The following ANK3 variants were observed in gnomAD, a reference collection of about 807,000 sequenced individuals.
The protein encoded by ANK3 is ankyrin-3.
In ANK3, 57 loss-of-function variants were observed where a neutral mutation model predicts 370.9. The ratio of observed to expected loss-of-function variants is 0.15; its 90% CI spans 0.12 to 0.19. The LOEUF is 0.19. Ranked by LOEUF, ANK3 falls within the 10% of genes least tolerant of loss-of-function variation. The pLI, the probability that ANK3 is intolerant of heterozygous loss-of-function variation, is 1.00. For missense variants in ANK3, 4,439 were observed against 5,302.1 expected, an observed-to-expected ratio of 0.84 and a Z score of 5.06; for synonymous variants, 1,929 against 1,946.3, an observed-to-expected ratio of 0.99 and a Z score of 0.23.
intron 42 of ANK3, among the ~76,000 whole-genome samples, chr10:60,052,591 G>C (rs1191288029): frequency 1.3e-5 from 2 of 152,084 alleles, no homozygotes; most frequent in Non-Finnish European, 2.9e-5. Context: ...ATAAAGGTGG[G>C]AATCTGGAAA....
rs1437252329 is a variant in ANK3 at position 60,216,865 on chromosome 10, A to G, written c.898-3355T>C. Among the ~76,000 whole-genome samples the G allele has an allele frequency of 5.3e-5, 8 of 151,948 alleles. 1 individual carries two copies. Among genetic ancestry groups the G allele is most frequent in the Admixed American group, 3.9e-4 (6 of 15,212 alleles). On this transcript the variant is annotated intron_variant, in intron 8 of 43. Coordinates refer to ENST00000280772, the MANE Select transcript of ANK3 (RefSeq NM_020987.5). ...GTACTAGCTCCTCTTTGTATTTCTG[A>G]TAGAATTCAGCTGTAAATCCATCTG... is the stretch of plus-strand genomic sequence containing the variant.
chr10:60,503,336 A>G (rs2075854443), intron 2 of ANK3, among the ~76,000 whole-genome samples: 2 of 152,210 alleles, frequency 1.3e-5, no homozygotes, highest in South Asian at 2.1e-4. Context: ...ATAATAAAAC[A>G]GTAGAGGTGA....
intron 1 of ANK3, among the ~76,000 whole-genome samples, chr10:60,705,435 A>G (rs965769009): frequency 6.6e-6 from 1 of 152,212 alleles, no homozygotes; most frequent in Non-Finnish European, 1.5e-5. Flanking sequence ...TGAAGTAGGT[A>G]TAATGTTATT....
chr10:60,232,312 G>A (rs1053418388), intron 8 of ANK3, among the ~76,000 whole-genome samples: 5 of 152,014 alleles, frequency 3.3e-5, no homozygotes, highest in Admixed American at 2.0e-4. Flanking sequence ...TCTTTTCTGC[G>A]TGTCTTGGTA....
intron 1 of ANK3, among the ~76,000 whole-genome samples, chr10:60,617,636 C>T (rs112227609): frequency 7.9e-5 from 12 of 152,172 alleles, no homozygotes; most frequent in South Asian, 4.1e-4. Flanking sequence ...CAGGGCTGTT[C>T]ATTTCTCTTC....
chr10:60,390,772 C>T (rs1435233844), upstream of ANK3, among the ~76,000 whole-genome samples: 1 of 127,104 alleles, frequency 7.9e-6, no homozygotes, highest in Non-Finnish European at 1.6e-5. Context: ...ACACAAACAA[C>T]AATTTCACCA....
intron 2 of ANK3, among the ~76,000 whole-genome samples, chr10:60,453,704 C>A (rs976492899): frequency 2.0e-5 from 3 of 151,934 alleles, no homozygotes; most frequent in African/African-American, 7.3e-5. Flanking sequence ...TGATAGGAAA[C>A]AGCCTCTCTC....
chr10:60,296,683 T>C (rs945572013), intron 1 of ANK3, among the ~76,000 whole-genome samples: 4 of 152,124 alleles, frequency 2.6e-5, no homozygotes, highest in African/African-American at 9.7e-5. Context: ...TCACAGTCTG[T>C]GTTTAAAAGT....
chr10:60,087,822 G>T (rs1290905807), intron 29 of ANK3, among the ~76,000 whole-genome samples: 1 of 152,136 alleles, frequency 6.6e-6, no homozygotes, highest in African/African-American at 2.4e-5. Context: ...CACTATAACT[G>T]ATTTTTATGA....
intron 2 of ANK3, among the ~76,000 whole-genome samples, chr10:60,519,222 T>A (rs1473900837): frequency 6.6e-6 from 1 of 152,136 alleles, no homozygotes; most frequent in African/African-American, 2.4e-5. Flanking sequence ...GCAAAGAGGC[T>A]GAGAAAGTTG....
At chr10:60,336,699 A>G (rs887955227) in intron 1 of ANK3, among the ~76,000 whole-genome samples, 1 of 152,216 alleles carries the variant, frequency 6.6e-6, no homozygotes, top group South Asian at 2.1e-4. Context: ...TTAAATGTGC[A>G]TTTTACGTAA....
intron 2 of ANK3, among the ~76,000 whole-genome samples, chr10:60,425,552 C>T (rs1175022705): frequency 6.6e-6 from 1 of 152,106 alleles, no homozygotes; most frequent in Non-Finnish European, 1.5e-5. Context: ...TCCTTCATCA[C>T]ATGCCATTAA....
At chr10:60,297,141 T>C (rs1459901455) in intron 1 of ANK3, among the ~76,000 whole-genome samples, 1 of 152,164 alleles carries the variant, frequency 6.6e-6, no homozygotes, top group Non-Finnish European at 1.5e-5. Flanking sequence ...AAATAATCAA[T>C]AATTCAAGAC....
At chr10:60,169,456 A>T (rs1338089857) in intron 21 of ANK3, among the ~76,000 whole-genome samples, 4 of 145,238 alleles carry the variant, frequency 2.8e-5, no homozygotes, top group African/African-American at 7.7e-5. Flanking sequence ...ATCACATTGT[A>T]TCAAGGGTAC....
intron 2 of ANK3, among the ~76,000 whole-genome samples, chr10:60,533,673 G>A (rs1282444392): frequency 3.3e-5 from 5 of 152,074 alleles, no homozygotes; most frequent in African/African-American, 1.2e-4. Context: ...GAGCTGGGCC[G>A]AATTATTTTT....
chr10:60,637,943 C>A (rs1186326262), intron 1 of ANK3, among the ~76,000 whole-genome samples: 2 of 152,132 alleles, frequency 1.3e-5, no homozygotes, highest in Non-Finnish European at 2.9e-5. Context: ...GCCCTGAGTG[C>A]TCATTTTGCC....
chr10:60,252,135 C>A (rs1222860666), intron 7 of ANK3, among the ~76,000 whole-genome samples: 1 of 152,218 alleles, frequency 6.6e-6, no homozygotes, highest in Non-Finnish European at 1.5e-5. Flanking sequence ...GGGCTGACAC[C>A]TGTGCAATCC....
intron 1 of ANK3, among the ~76,000 whole-genome samples, chr10:60,623,607 G>T (rs1353182077): frequency 6.6e-6 from 1 of 152,306 alleles, no homozygotes; most frequent in Admixed American, 6.5e-5. Context: ...GATATCATAG[G>T]TTGTTGAGCA....
chr10:60,398,590 C>T (rs138045864), intron 2 of ANK3, among the ~76,000 whole-genome samples: 15 of 152,256 alleles, frequency 9.9e-5, no homozygotes, highest in African/African-American at 3.1e-4. Flanking sequence ...GATGGAAAAA[C>T]GTATGTTGCT....
Sources: gnomAD v4.1 joint callset for allele counts (sites outside exome capture counted in the v4.1 genomes callset) on GRCh38, gnomAD v4.1.1 for gene constraint, MANE v1.5 for transcripts, NCBI Gene and HGNC (gene_info 2026-07-23, HGNC 2026-07-21) for gene names.